Variants in SYNPO2 observed in about 807,000 individuals in gnomAD.
SYNPO2 encodes synaptopodin 2.
A neutral mutation model predicts 85.0 loss-of-function variants in SYNPO2; 56 were observed. The ratio of observed to expected loss-of-function variants is 0.66; its 90% CI spans 0.53 to 0.82. The LOEUF (loss-of-function observed/expected upper bound fraction) is 0.82, where lower values mean the gene tolerates loss of function less well. SYNPO2 is among the 40% of genes least tolerant of loss of function. The probability of loss-of-function intolerance (pLI) is 0.00; values close to 1 mark genes in which losing one functional copy is unlikely to be tolerated. For missense variants in SYNPO2, 1,575 were observed against 1,534.2 expected, an observed-to-expected ratio of 1.03 and a Z score of -0.44; for synonymous variants, 602 against 591.1, an observed-to-expected ratio of 1.02 and a Z score of -0.27.
At chr4:118,924,430 C>G (rs1733645790) in intron 1 of SYNPO2, among the ~76,000 whole-genome samples, 1 of 152,122 alleles carries the variant, frequency 6.6e-6, no homozygotes, top group Admixed American at 6.6e-5. Flanking sequence ...CAATGTGGCC[C>G]TTAAGAGGGT....
chr4:119,057,927 A>G lies in SYNPO2; in HGVS notation c.3779A>G (p.Gln1260Arg). The G allele has an allele frequency of 6.2e-7, 1 of 1,609,328 alleles. No individual in the cohort carries two copies. The highest frequency in any genetic ancestry group is 1.1e-5 in the South Asian group (1 of 90,320). Residue 1260 changes from glutamine to arginine, a missense_variant, in exon 5 of 5, where the codon CAA (glutamine) becomes CGA (arginine). Coordinates refer to ENST00000307142, the MANE Select transcript of SYNPO2 (RefSeq NM_133477.3). ...CCACACCCAAGGGGATGGAGACGCC[A>G]AACATGAAAGTTAGAAGAACGGATC... ...YNPHPRGWRR[Q>R]T
intron 3 of SYNPO2, among the ~76,000 whole-genome samples, chr4:119,028,900 A>C (rs951600452): frequency 8.0e-4 from 122 of 152,006 alleles, no homozygotes; most frequent in African/African-American, 2.8e-3. Flanking sequence ...TTTAGTTGCT[A>C]TAATTTGCCA....
intron 1 of SYNPO2, among the ~76,000 whole-genome samples, chr4:118,891,540 C>G (rs1380094955): frequency 6.6e-6 from 1 of 152,130 alleles, no homozygotes; most frequent in Non-Finnish European, 1.5e-5. Context: ...GGAGAAATCC[C>G]TTGGAACAAA....
intron 4 of SYNPO2, chr4:119,037,934 C>A (rs565245107): frequency 9.9e-6 from 2 of 202,048 alleles, no homozygotes; most frequent in Admixed American, 6.5e-5. Flanking sequence ...AGCCTGAATT[C>A]TTAACCAATT....
intron 1 of SYNPO2, among the ~76,000 whole-genome samples, chr4:118,912,690 C>T (rs1254013169): frequency 1.3e-5 from 2 of 152,078 alleles, no homozygotes; most frequent in Non-Finnish European, 2.9e-5. Flanking sequence ...CTAGCTAGAA[C>T]AGTACATGCA....
intron 1 of SYNPO2, among the ~76,000 whole-genome samples, chr4:119,010,468 G>C (rs1394350240): frequency 1.3e-5 from 2 of 152,126 alleles, no homozygotes; most frequent in African/African-American, 4.8e-5. Context: ...CAATATGGGG[G>C]AACTACCCCC....
chr4:118,970,868 T>C (rs1578597832), intron 1 of SYNPO2, among the ~76,000 whole-genome samples: 1 of 152,222 alleles, frequency 6.6e-6, no homozygotes, highest in Non-Finnish European at 1.5e-5. Flanking sequence ...AATGAATGAA[T>C]AAAGTAATCA....
chr4:119,004,589 G>A (rs1434956959), intron 1 of SYNPO2, among the ~76,000 whole-genome samples: 1 of 148,030 alleles, frequency 6.8e-6, no homozygotes, highest in Admixed American at 6.9e-5. Flanking sequence ...GTATTCCATG[G>A]GGTATATGTG....
chr4:118,952,388 A>T (rs866996841), intron 1 of SYNPO2, among the ~76,000 whole-genome samples: 1 of 151,522 alleles, frequency 6.6e-6, no homozygotes, highest in Non-Finnish European at 1.5e-5. Flanking sequence ...ATTTTATTTT[A>T]TTATTATTAT....
chr4:118,933,208 A>G (rs1733987643), intron 1 of SYNPO2, among the ~76,000 whole-genome samples: 2 of 152,338 alleles, frequency 1.3e-5, no homozygotes, highest in South Asian at 4.1e-4. Context: ...AAGTTGGACT[A>G]TATCAAGTTC....
At chr4:118,864,974 T>C (rs1452634594) in intron 1 of SYNPO2, among the ~76,000 whole-genome samples, 2 of 152,210 alleles carry the variant, frequency 1.3e-5, no homozygotes, top group Admixed American at 6.5e-5. Flanking sequence ...CAAATATGAA[T>C]ATCAAGGCAT....
At chr4:118,973,029 T>C (rs1370016006) in intron 1 of SYNPO2, among the ~76,000 whole-genome samples, 1 of 152,220 alleles carries the variant, frequency 6.6e-6, no homozygotes, top group Non-Finnish European at 1.5e-5. Context: ...GGCTTATACA[T>C]GCATTAAATG....
intron 4 of SYNPO2, chr4:119,033,604 T>C: frequency 1.0e-6 from 1 of 985,404 alleles, no homozygotes; most frequent in Non-Finnish European, 1.2e-6. Context: ...CAGAAAAACT[T>C]GCCTGGTTTG....
rs1489661721 is a variant in SYNPO2, at chr4:119,012,377, T to TTC, written c.106-11052_106-11051insCT. Among the ~76,000 whole-genome samples, 242 of 80,440 alleles carry TTC rather than the reference T, an allele frequency of 3.0e-3. 1 individual carries two copies. Among genetic ancestry groups the TTC allele is most frequent in the African/African-American group, 0.01 (235 of 23,458 alleles). 52.8% of individuals were successfully genotyped at this position (80,440 alleles called of 152,430 possible). A position where few individuals can be genotyped will look rare whatever the true frequency, so the allele number is the denominator to read the frequency against. On this transcript the variant is annotated intron_variant, in intron 1 of 4. Transcript: ENST00000307142. ...GGTTCCTTTTTTTTCCCCCTTTTCT[T>TTC]TTTTTTTTTTTTTTTTATTTTACTT...
intron 3 of SYNPO2, 41 bp from the exon 4 acceptor site, chr4:119,029,803 CT>C: frequency 6.7e-7 from 1 of 1,501,934 alleles, no homozygotes; most frequent in Non-Finnish European, 8.8e-7. Context: ...CTTCCTTGAA[CT>C]CATCAGCTCA....
chr4:118,873,869 G>A (rs1240179469), intron 1 of SYNPO2, among the ~76,000 whole-genome samples: 1 of 152,164 alleles, frequency 6.6e-6, no homozygotes. Context: ...TATGGTAAGA[G>A]AGAGGAGCCC....
intron 1 of SYNPO2, among the ~76,000 whole-genome samples, chr4:118,875,944 CA>C (rs1301571462): frequency 1.3e-5 from 2 of 152,214 alleles, no homozygotes; most frequent in Non-Finnish European, 2.9e-5. Context: ...CCAAACTGAA[CA>C]AATCCTCAAC....
chr4:118,920,143 G>A (rs573583873), intron 1 of SYNPO2, among the ~76,000 whole-genome samples: 19 of 152,266 alleles, frequency 1.2e-4, no homozygotes, highest in Non-Finnish European at 1.9e-4. Flanking sequence ...GAAGAGTTGT[G>A]GGAGGCAATG....
intron 1 of SYNPO2, among the ~76,000 whole-genome samples, chr4:118,928,672 T>C (rs1028346480): frequency 6.6e-6 from 1 of 152,220 alleles, no homozygotes; most frequent in African/African-American, 2.4e-5. Context: ...TATTTACTCC[T>C]TTATTTTATA....
Sources: gnomAD v4.1 joint callset for allele counts (sites outside exome capture counted in the v4.1 genomes callset) on GRCh38, gnomAD v4.1.1 for gene constraint, MANE v1.5 for transcripts, NCBI Gene and HGNC (gene_info 2026-07-23, HGNC 2026-07-21) for gene names.